CCBE1: variants seen among roughly 807,000 people sequenced by gnomAD.
CCBE1 encodes collagen and calcium-binding EGF domain-containing protein 1.
Under a neutral mutation model 50.0 loss-of-function variants are expected in CCBE1, and 37 were observed. That is an observed-to-expected ratio of 0.74 (90% CI 0.57 to 0.97). CCBE1 has a LOEUF of 0.97. CCBE1 is among the 50% of genes least tolerant of loss of function. The pLI, the probability that CCBE1 is intolerant of heterozygous loss-of-function variation, is 0.00. For missense variants in CCBE1, 538 were observed against 523.8 expected, an observed-to-expected ratio of 1.03 and a Z score of -0.26; for synonymous variants, 234 against 203.7, an observed-to-expected ratio of 1.15 and a Z score of -1.27.
intron 2 of CCBE1, among the ~76,000 whole-genome samples, chr18:59,644,405 A>G (rs181329960): frequency 5.7e-4 from 87 of 152,258 alleles, no homozygotes; most frequent in African/African-American, 2.0e-3. Context: ...TCGATGTGTA[A>G]GTTCTGTTCT....
intron 2 of CCBE1, among the ~76,000 whole-genome samples, chr18:59,625,455 T>C (rs1476346302): frequency 8.5e-6 from 1 of 117,068 alleles, no homozygotes; most frequent in African/African-American, 3.8e-5. Flanking sequence ...AAAAAAAAAA[T>C]TGTAGCCATA....
intron 2 of CCBE1, among the ~76,000 whole-genome samples, chr18:59,552,467 A>G (rs1251820594): frequency 6.6e-6 from 1 of 152,216 alleles, no homozygotes; most frequent in Non-Finnish European, 1.5e-5. Flanking sequence ...CTTAACAAAG[A>G]CTTTCCTCCC....
At chr18:59,617,976 ATT>A (rs2053659372) in intron 2 of CCBE1, among the ~76,000 whole-genome samples, 1 of 152,210 alleles carries the variant, frequency 6.6e-6, no homozygotes, top group Non-Finnish European at 1.5e-5. Context: ...TCAAAGTAAG[ATT>A]TGAGGACAAA....
intron 6 of CCBE1, 76 bp downstream of exon 6, chr18:59,454,775 T>C (rs1911101688): frequency 8.4e-7 from 1 of 1,192,252 alleles, no homozygotes; most frequent in Non-Finnish European, 1.3e-6. Flanking sequence ...TTCTTATTTG[T>C]AAATATCCTT....
chr18:59,584,068 T>C (rs944260341), intron 2 of CCBE1, among the ~76,000 whole-genome samples: 1 of 152,116 alleles, frequency 6.6e-6, no homozygotes, highest in Middle Eastern at 3.4e-3. Context: ...TATTGCGGCA[T>C]TATTCACAAT....
At chr18:59,611,228 C>T (rs1008393219) in intron 2 of CCBE1, among the ~76,000 whole-genome samples, 1 of 152,236 alleles carries the variant, frequency 6.6e-6, no homozygotes, top group Non-Finnish European at 1.5e-5. Context: ...TCAGCTTCTT[C>T]CCTTGCTTCC....
chr18:59,624,633 T>C (rs1169608490), intron 2 of CCBE1, among the ~76,000 whole-genome samples: 1 of 151,640 alleles, frequency 6.6e-6, no homozygotes. Context: ...CCAAAGGGAG[T>C]CTCAGCTTCC....
intron 2 of CCBE1, among the ~76,000 whole-genome samples, chr18:59,591,990 G>T: frequency 6.6e-6 from 1 of 152,178 alleles, no homozygotes; most frequent in South Asian, 2.1e-4. Context: ...GATAGAAAAT[G>T]CCACACTTGA....
intron 2 of CCBE1, among the ~76,000 whole-genome samples, chr18:59,553,359 T>G (rs1915996895): frequency 6.6e-6 from 1 of 152,180 alleles, no homozygotes; most frequent in African/African-American, 2.4e-5. Flanking sequence ...AAGAGGAAAC[T>G]GAGACCCTGA....
intron 2 of CCBE1, among the ~76,000 whole-genome samples, chr18:59,653,879 T>C (rs1339089601): frequency 6.6e-6 from 1 of 152,188 alleles, no homozygotes; most frequent in Non-Finnish European, 1.5e-5. Flanking sequence ...TGACTGCATA[T>C]AAAATTCAAA....
intron 4 of CCBE1, among the ~76,000 whole-genome samples, chr18:59,469,139 G>A (rs1162352917): frequency 6.6e-6 from 1 of 152,180 alleles, no homozygotes; most frequent in African/African-American, 2.4e-5. Context: ...CTAAGAGAAT[G>A]TTTATTCTTG....
chr18:59,536,504 G>C (rs1915254681), intron 2 of CCBE1, among the ~76,000 whole-genome samples: 1 of 152,226 alleles, frequency 6.6e-6, no homozygotes, highest in Non-Finnish European at 1.5e-5. Flanking sequence ...CAAAGGAAGA[G>C]AAGGTTGTCT....
chr18:59,553,519 C>G (rs1256313986), intron 2 of CCBE1, among the ~76,000 whole-genome samples: 2 of 152,164 alleles, frequency 1.3e-5, no homozygotes, highest in Non-Finnish European at 2.9e-5. Flanking sequence ...GGAGTCGTAG[C>G]TGCTGGGAAA....
At chr18:59,673,792 C>T (rs1052746202) in intron 2 of CCBE1, among the ~76,000 whole-genome samples, 7 of 152,176 alleles carry the variant, frequency 4.6e-5, no homozygotes, top group Admixed American at 2.0e-4. Flanking sequence ...GGGATGAAGC[C>T]AACTTGATCG....
At chr18:59,590,551 A>G (rs2053249207) in intron 2 of CCBE1, among the ~76,000 whole-genome samples, 1 of 152,216 alleles carries the variant, frequency 6.6e-6, no homozygotes, top group South Asian at 2.1e-4. Flanking sequence ...CTGAACATGC[A>G]AGAATAGTCA....
At chr18:59,578,192 T>G (rs2053028008) in intron 2 of CCBE1, among the ~76,000 whole-genome samples, 1 of 152,174 alleles carries the variant, frequency 6.6e-6, no homozygotes, top group Admixed American at 6.5e-5. Context: ...CCAACAAACA[T>G]GAGAAAAAGC....
intron 2 of CCBE1, 174 bp downstream of exon 2, chr18:59,696,455 A>G: frequency 6.8e-7 from 1 of 1,475,814 alleles, no homozygotes; most frequent in South Asian, 1.3e-5. Flanking sequence ...TGTTGCTCTG[A>G]CTCCGATCCA....
At chr18:59,648,554 A>C (rs1345218058) in intron 2 of CCBE1, among the ~76,000 whole-genome samples, 1 of 152,156 alleles carries the variant, frequency 6.6e-6, no homozygotes, top group East Asian at 1.9e-4. Context: ...AAAAACACAA[A>C]AATTAGTCAG....
chr18:59,644,791 C>T (rs1296083298), intron 2 of CCBE1, among the ~76,000 whole-genome samples: 1 of 152,140 alleles, frequency 6.6e-6, no homozygotes, highest in Non-Finnish European at 1.5e-5. Context: ...AATGCCTCCC[C>T]ATAAAAAATC....
Sources: gnomAD v4.1 joint callset for allele counts (sites outside exome capture counted in the v4.1 genomes callset) on GRCh38, gnomAD v4.1.1 for gene constraint, MANE v1.5 for transcripts, NCBI Gene and HGNC (gene_info 2026-07-23, HGNC 2026-07-21) for gene names.